The following SH3GL2 variants were observed in gnomAD, a reference collection of about 807,000 sequenced individuals.
The protein encoded by SH3GL2 is endophilin-A1.
A neutral mutation model predicts 46.0 loss-of-function variants in SH3GL2; 24 were observed. That is an observed-to-expected ratio of 0.52 (90% CI 0.38 to 0.73). The LOEUF is 0.73. SH3GL2 is among the 30% of genes least tolerant of loss of function. The pLI is 0.00. For missense variants in SH3GL2, 413 were observed against 424.2 expected (o/e 0.97, Z 0.23); for synonymous variants, 196 against 147.1 (o/e 1.33, Z -2.40).
intron 1 of SH3GL2, among the ~76,000 whole-genome samples, chr9:17,685,258 A>G (rs1320147199): frequency 6.6e-6 from 1 of 152,068 alleles, no homozygotes; most frequent in Non-Finnish European, 1.5e-5. Context: ...GTTTGCATGA[A>G]AACCCCTCAG....
At chr9:17,614,757 G>T (rs562704393) in intron 1 of SH3GL2, among the ~76,000 whole-genome samples, 1 of 152,208 alleles carries the variant, frequency 6.6e-6, no homozygotes, top group East Asian at 1.9e-4. Context: ...GGTGGGTTGC[G>T]GAGGCTGCTG....
At chr9:17,688,535 T>G (rs1467918312) in intron 1 of SH3GL2, among the ~76,000 whole-genome samples, 1 of 151,974 alleles carries the variant, frequency 6.6e-6, no homozygotes, top group Non-Finnish European at 1.5e-5. Context: ...TCCAATACCA[T>G]CCTTCAGTAA....
intron 2 of SH3GL2, among the ~76,000 whole-genome samples, chr9:17,752,789 C>T (rs989455684): frequency 1.3e-5 from 2 of 152,082 alleles, no homozygotes; most frequent in Admixed American, 1.3e-4. Context: ...GTTTATTGTA[C>T]AGATGATTTT....
At chr9:17,584,420 C>G (rs981164048) in intron 1 of SH3GL2, among the ~76,000 whole-genome samples, 5 of 152,066 alleles carry the variant, frequency 3.3e-5, no homozygotes, top group African/African-American at 1.2e-4. Flanking sequence ...GGAGAATTGC[C>G]TGAACCCAGG....
chr9:17,597,341 C>G (rs937991988), intron 1 of SH3GL2, among the ~76,000 whole-genome samples: 1 of 152,054 alleles, frequency 6.6e-6, no homozygotes, highest in Non-Finnish European at 1.5e-5. Context: ...GACCAACATG[C>G]CCTGTCTGTG....
At chr9:17,630,885 C>G (rs1819405503) in intron 1 of SH3GL2, among the ~76,000 whole-genome samples, 1 of 152,120 alleles carries the variant, frequency 6.6e-6, no homozygotes, top group Admixed American at 6.6e-5. Context: ...TATAAAAATT[C>G]CTTCACCCAT....
intron 1 of SH3GL2, among the ~76,000 whole-genome samples, chr9:17,657,660 G>A (rs1050661758): frequency 2.0e-4 from 30 of 152,122 alleles, no homozygotes; most frequent in African/African-American, 6.8e-4. Context: ...CAAATTAATC[G>A]TTAGTATTTG....
At chr9:17,599,568 A>G (rs1193174797) in intron 1 of SH3GL2, among the ~76,000 whole-genome samples, 1 of 152,184 alleles carries the variant, frequency 6.6e-6, no homozygotes, top group Admixed American at 6.5e-5. Flanking sequence ...TTCAAAATTT[A>G]TTGCTGTGTT....
intron 1 of SH3GL2, among the ~76,000 whole-genome samples, chr9:17,620,861 G>A (rs560474834): frequency 1.2e-3 from 189 of 152,236 alleles, no homozygotes; most frequent in African/African-American, 4.3e-3. Flanking sequence ...ATGTCAGAGG[G>A]GTCTGAAAGG....
chr9:17,636,715 G>A (rs1253197064), intron 1 of SH3GL2, among the ~76,000 whole-genome samples: 5 of 152,158 alleles, frequency 3.3e-5, no homozygotes, highest in Admixed American at 2.0e-4. Flanking sequence ...ATGATTTTAA[G>A]TGGATATTTA....
chr9:17,735,742 G>A, intron 1 of SH3GL2: 1 of 978,416 alleles, frequency 1.0e-6, no homozygotes, highest in African/African-American at 1.7e-5. Context: ...AGTAGGAAAT[G>A]GGAAGATAAA....
At chr9:17,687,121 A>T (rs1368913189) in intron 1 of SH3GL2, among the ~76,000 whole-genome samples, 1 of 152,106 alleles carries the variant, frequency 6.6e-6, no homozygotes, top group Non-Finnish European at 1.5e-5. Flanking sequence ...ACTAGCATTA[A>T]AAAATTCTAA....
At chr9:17,669,855 G>C (rs1322430999) in intron 1 of SH3GL2, among the ~76,000 whole-genome samples, 1 of 152,114 alleles carries the variant, frequency 6.6e-6, no homozygotes, top group African/African-American at 2.4e-5. Context: ...CAAGGACATG[G>C]ATACACCAAG....
chr9:17,752,028 C>CA (rs35530244), intron 2 of SH3GL2, among the ~76,000 whole-genome samples: 25,604 of 151,610 alleles, frequency 0.17, 2,670 homozygotes, highest in Middle Eastern at 0.28. Flanking sequence ...AGATTAACAG[C>CA]AAAAAAAATA....
chr9:17,773,565 A>G (rs1588322793), intron 3 of SH3GL2, among the ~76,000 whole-genome samples: 1 of 152,040 alleles, frequency 6.6e-6, no homozygotes, highest in African/African-American at 2.4e-5. Flanking sequence ...TGAAAAGACT[A>G]TTATTTCTCG....
At chr9:17,677,347 G>A (rs2383039) in intron 1 of SH3GL2, among the ~76,000 whole-genome samples, 1 of 151,780 alleles carries the variant, frequency 6.6e-6, no homozygotes, top group East Asian at 1.9e-4. Flanking sequence ...CTGGTGATAC[G>A]GTACTCTCAC....
At chr9:17,765,724 C>T (rs1215525164) in intron 3 of SH3GL2, among the ~76,000 whole-genome samples, 3 of 152,170 alleles carry the variant, frequency 2.0e-5, no homozygotes, top group African/African-American at 7.2e-5. Flanking sequence ...TTAGGTTCCC[C>T]TGTCACTGTC....
intron 1 of SH3GL2, among the ~76,000 whole-genome samples, chr9:17,665,243 T>C (rs1048427931): frequency 6.6e-6 from 1 of 152,194 alleles, no homozygotes; most frequent in African/African-American, 2.4e-5. Context: ...ACTTTTTATA[T>C]CCAGTCCACA....
chr9:17,619,808 T>G (rs552559127), intron 1 of SH3GL2, among the ~76,000 whole-genome samples: 2 of 152,340 alleles, frequency 1.3e-5, no homozygotes, highest in African/African-American at 4.8e-5. Context: ...GTATAAATAC[T>G]TATCCATATC....
Sources: gnomAD v4.1 joint callset for allele counts (sites outside exome capture counted in the v4.1 genomes callset) on GRCh38, gnomAD v4.1.1 for gene constraint, MANE v1.5 for transcripts, NCBI Gene and HGNC (gene_info 2026-07-23, HGNC 2026-07-21) for gene names.